The following RAB5A variants were observed in gnomAD, a reference collection of about 807,000 sequenced individuals.
RAB5A encodes ras-related protein Rab-5A.
A neutral mutation model predicts 25.7 loss-of-function variants in RAB5A; 8 were observed. The ratio of observed to expected loss-of-function variants is 0.31; its 90% CI spans 0.18 to 0.56. The LOEUF (loss-of-function observed/expected upper bound fraction) is 0.56, where lower values mean the gene tolerates loss of function less well. Ranked by LOEUF, RAB5A falls within the 20% of genes least tolerant of loss-of-function variation. The pLI is 0.91. For missense variants in RAB5A, 192 were observed against 259.7 expected, an observed-to-expected ratio of 0.74 and a Z score of 1.79; for synonymous variants, 98 against 89.8, an observed-to-expected ratio of 1.09 and a Z score of -0.52.
rs536492616 is a variant in RAB5A at position 19,984,820 on chromosome 3, TTCTC to T, written c.*1002_*1005del. ...TACTGTTACTAAAACAGCTAATTATTTCTCTCTCCCCCTTTGACAGGAAGGGGCT... is the reference window on the plus strand; with the variant it reads ...TACTGTTACTAAAACAGCTAATTATTTCTCCCCCTTTGACAGGAAGGGGCT... On this transcript the variant is annotated 3_prime_UTR_variant, in exon 6 of 6. Coordinates refer to ENST00000273047, the MANE Select transcript of RAB5A (RefSeq NM_004162.5). The T allele has an allele frequency of 6.5e-6, 1 of 153,068 alleles. No individual in the cohort carries two copies. Among genetic ancestry groups the T allele is most frequent in the African/African-American group, 2.4e-5 (1 of 41,450 alleles). 9.5% of individuals were successfully genotyped at this position (153,068 alleles called of 1,614,324 possible).
chr3:19,949,252 C>T (rs966396553), intron 1 of RAB5A, among the ~76,000 whole-genome samples: 3 of 152,066 alleles, frequency 2.0e-5, no homozygotes, highest in African/African-American at 7.2e-5. Context: ...GATAAGGACT[C>T]TAAAAAGCTG....
In RAB5A at chr3:19,950,986, G is replaced by A. The variant is rs1696414687; in HGVS notation, c.88G>A (p.Ala30Thr). 3 of 1,613,908 alleles carry A rather than the reference G, an allele frequency of 1.9e-6. No homozygotes were observed. The highest frequency in any genetic ancestry group is 2.7e-5 in the African/African-American group (2 of 74,914). The change falls in exon 2 of 6, where the codon GCT becomes ACT. Residue 30 changes from alanine to threonine, a missense_variant. Coordinates refer to ENST00000273047, the MANE Select transcript of RAB5A (RefSeq NM_004162.5). ...QFKLVLLGES[A>T]VGKSSLVLRF... ...CAAACTAGTACTTCTGGGAGAGTCC[G>A]CTGTTGGCAAATCAAGCCTAGTGCT...
In RAB5A at chr3:19,947,369, C is replaced by T. The variant is rs375524290; in HGVS notation, c.-246C>T. ...AGGGGCGGCACCACGGCACGAGCCCCGCACAGTCCAGTGTGAGGGGAGCGG... is the reference window on the plus strand; with the variant it reads ...AGGGGCGGCACCACGGCACGAGCCCTGCACAGTCCAGTGTGAGGGGAGCGG... On this transcript the variant is annotated 5_prime_UTR_variant, in exon 1 of 6. Transcript: ENST00000273047. 1.2e-4 allele frequency: 21 copies of T among 173,434 alleles called. 1 individual carries two copies. The South Asian group carries it at 2.5e-3, about 21-fold the overall frequency. 10.7% of individuals were successfully genotyped at this position (173,434 alleles called of 1,614,324 possible).
At chr3:19,970,551 C>A (rs758601774) in intron 2 of RAB5A, 1 of 456,690 alleles carries the variant, frequency 2.2e-6, no homozygotes, top group South Asian at 1.5e-5. Flanking sequence ...TACACAGTAA[C>A]TCTCGAAGTG....
rs1696821628 is a variant in RAB5A at position 19,976,119 on chromosome 3, T to G, written c.388T>G (p.Leu130Val). Residue 130 changes from leucine (L) to valine (V), a missense_variant, in exon 4 of 6, where the codon TTA (leucine) becomes GTA (valine). Leu to Val is a conservative substitution (Grantham distance 32). Around this residue, in one of 3 missense-constraint regions of RAB5A, gnomAD observed 121 missense variants for 135.7 expected, o/e 0.89. Transcript: ENST00000273047. ...AGCAAGTCCTAACATTGTAATAGCT[T>G]TATCGGGAAACAAGGCCGACCTAGC... ...RQASPNIVIA[L>V]SGNKADLANK... 6.2e-7 allele frequency: 1 copy of G among 1,612,534 alleles called. No homozygotes were observed. The highest frequency in any genetic ancestry group is 1.3e-5 in the African/African-American group (1 of 74,854).
At chr3:19,977,766 A>G (rs1433646328) in intron 4 of RAB5A, among the ~76,000 whole-genome samples, 2 of 152,194 alleles carry the variant, frequency 1.3e-5, no homozygotes, top group Admixed American at 6.5e-5. Context: ...ATCAAAAGTA[A>G]TAATATATGT....
chr3:19,958,441 C>T (rs1455395903), intron 2 of RAB5A, among the ~76,000 whole-genome samples: 1 of 152,108 alleles, frequency 6.6e-6, no homozygotes. Flanking sequence ...TTAAACATTC[C>T]CGTGAGCTGG....
chr3:19,950,479 A>AT (rs1696407082), intron 1 of RAB5A, among the ~76,000 whole-genome samples: 1 of 152,214 alleles, frequency 6.6e-6, no homozygotes, highest in Non-Finnish European at 1.5e-5. Flanking sequence ...TGTGACCTCA[A>AT]TTAAGCTTCT....
At chr3:19,968,969 G>A (rs1044834371) in intron 2 of RAB5A, among the ~76,000 whole-genome samples, 2 of 151,610 alleles carry the variant, frequency 1.3e-5, no homozygotes, top group Non-Finnish European at 1.5e-5. Flanking sequence ...CCTTTCCAAC[G>A]GAGTTGTACG....
intron 2 of RAB5A, among the ~76,000 whole-genome samples, chr3:19,955,802 A>AT (rs1275413364): frequency 2.0e-5 from 3 of 152,020 alleles, no homozygotes; most frequent in African/African-American, 7.2e-5. Context: ...GAGGCAGGAG[A>AT]TTCGCTTGAA....
chr3:19,948,402 C>T (rs1696365415), intron 1 of RAB5A, among the ~76,000 whole-genome samples: 1 of 152,206 alleles, frequency 6.6e-6, no homozygotes, highest in South Asian at 2.1e-4. Context: ...GATAACTCAG[C>T]ATTTGTATAA....
chr3:19,957,972 TAG>T (rs1696529612), intron 2 of RAB5A, among the ~76,000 whole-genome samples: 1 of 152,210 alleles, frequency 6.6e-6, no homozygotes, highest in African/African-American at 2.4e-5. Context: ...TTTCCAGTAG[TAG>T]AAAGCTTTCT....
intron 2 of RAB5A, among the ~76,000 whole-genome samples, chr3:19,969,064 G>A (rs1480374490): frequency 2.6e-5 from 2 of 77,496 alleles, no homozygotes; most frequent in Admixed American, 3.3e-4. Context: ...TTTTTTTTGA[G>A]ATGGAGTCTC....
At chr3:19,982,929 T>C (rs933604261) in intron 5 of RAB5A, among the ~76,000 whole-genome samples, 19 of 152,194 alleles carry the variant, frequency 1.2e-4, no homozygotes, top group African/African-American at 4.1e-4. Flanking sequence ...ATTTGTATCC[T>C]GACTTGTTCT....
At chr3:19,974,002 A>G (rs62241316) in intron 2 of RAB5A, among the ~76,000 whole-genome samples, 28,919 of 152,084 alleles carry the variant, frequency 0.19, 3,043 homozygotes, top group Non-Finnish European at 0.24. Context: ...GTGCATACCA[A>G]TTTGGAAATA....
chr3:19,957,171 C>G (rs2125181023), intron 2 of RAB5A, among the ~76,000 whole-genome samples: 1 of 150,660 alleles, frequency 6.6e-6, no homozygotes, highest in Non-Finnish European at 1.5e-5. Flanking sequence ...TACAGCAGTC[C>G]TCCCACCTCA....
At chr3:19,963,789 T>C (rs12629485) in intron 2 of RAB5A, among the ~76,000 whole-genome samples, 6 of 152,036 alleles carry the variant, frequency 3.9e-5, no homozygotes, top group African/African-American at 1.4e-4. Context: ...GTACTACGTG[T>C]GCATGTGCCA....
intron 2 of RAB5A, among the ~76,000 whole-genome samples, chr3:19,965,011 A>G (rs1482550677): frequency 6.6e-6 from 1 of 152,156 alleles, no homozygotes; most frequent in Non-Finnish European, 1.5e-5. Flanking sequence ...GCTCACTGCA[A>G]CATCTGCCTC....
At chr3:19,964,988 T>G (rs932306567) in intron 2 of RAB5A, among the ~76,000 whole-genome samples, 4 of 152,190 alleles carry the variant, frequency 2.6e-5, no homozygotes, top group African/African-American at 9.7e-5. Context: ...TGGAATGCAG[T>G]GGTGTAATCT....
Sources: gnomAD v4.1 joint callset for allele counts (sites outside exome capture counted in the v4.1 genomes callset) on GRCh38, gnomAD v4.1.1 for gene constraint, gnomAD v4.1.1 regional missense constraint, MANE v1.5 for transcripts, NCBI Gene and HGNC (gene_info 2026-07-23, HGNC 2026-07-21) for gene names.